NCKAP5: variants seen among roughly 807,000 people sequenced by gnomAD.
NCKAP5 encodes the protein nck-associated protein 5.
NCKAP5 carries 92 observed loss-of-function variants against 167.0 expected under a neutral mutation model. The ratio of observed to expected loss-of-function variants is 0.55; its 90% CI spans 0.47 to 0.66. The LOEUF (loss-of-function observed/expected upper bound fraction) is 0.66, where lower values mean the gene tolerates loss of function less well. NCKAP5 is among the 30% of genes least tolerant of loss of function. The pLI, the probability that NCKAP5 is intolerant of heterozygous loss-of-function variation, is 0.00. For missense variants in NCKAP5, 2,378 were observed against 2,315.0 expected, an observed-to-expected ratio of 1.03 and a Z score of -0.56; for synonymous variants, 891 against 877.4, an observed-to-expected ratio of 1.02 and a Z score of -0.27.
At chr2:133,666,635 T>C in the NCKAP5 span, among the ~76,000 whole-genome samples, 1 of 152,068 alleles carries the variant, frequency 6.6e-6, no homozygotes, top group Non-Finnish European at 1.5e-5. Flanking sequence ...TTGTAATGAA[T>C]AATTTTATAA....
intron 11 of NCKAP5, among the ~76,000 whole-genome samples, chr2:132,801,169 G>T (rs1489183422): frequency 6.6e-6 from 1 of 151,994 alleles, no homozygotes; most frequent in Non-Finnish European, 1.5e-5. Flanking sequence ...GCCACTTGTT[G>T]AAGATGAAGC....
chr2:133,440,098 G>A (rs1345310342), intron 3 of NCKAP5, among the ~76,000 whole-genome samples: 2 of 152,032 alleles, frequency 1.3e-5, no homozygotes, highest in East Asian at 3.9e-4. Flanking sequence ...TGTGTAAATT[G>A]ACTAGCCCTT....
chr2:133,508,789 CAGG>C (rs1683241399), intron 3 of NCKAP5, among the ~76,000 whole-genome samples: 1 of 152,206 alleles, frequency 6.6e-6, no homozygotes, highest in South Asian at 2.1e-4. Flanking sequence ...GGTGAGACAA[CAGG>C]AGAATGACAA....
chr2:133,451,825 A>G (rs1210496422), intron 3 of NCKAP5, among the ~76,000 whole-genome samples: 2 of 152,206 alleles, frequency 1.3e-5, no homozygotes, highest in Non-Finnish European at 2.9e-5. Context: ...TACTTGATGA[A>G]TGCTACTATG....
intron 8 of NCKAP5, among the ~76,000 whole-genome samples, chr2:132,961,778 A>C (rs1336027105): frequency 2.0e-5 from 3 of 152,258 alleles, no homozygotes; most frequent in Admixed American, 2.0e-4. Context: ...ACATGAACTA[A>C]GATTAATTTT....
intron 6 of NCKAP5, among the ~76,000 whole-genome samples, chr2:133,092,891 G>A (rs2081232823): frequency 6.6e-6 from 1 of 152,176 alleles, no homozygotes; most frequent in African/African-American, 2.4e-5. Flanking sequence ...GGGTTCAATT[G>A]TAGAAAAAGA....
chr2:133,061,820 G>C (rs570749999), intron 6 of NCKAP5, among the ~76,000 whole-genome samples: 1 of 145,216 alleles, frequency 6.9e-6, no homozygotes, highest in Admixed American at 6.8e-5. Flanking sequence ...TGGCTATTGG[G>C]CCACTATGGC....
At chr2:132,745,800 T>G (rs1295785008) in intron 16 of NCKAP5, among the ~76,000 whole-genome samples, 1 of 152,008 alleles carries the variant, frequency 6.6e-6, no homozygotes, top group Non-Finnish European at 1.5e-5. Flanking sequence ...TAGTATGTAT[T>G]ATAAATAATT....
chr2:133,586,357 CCCTGTACTTGACGTTGAGATTGACCT>C, the NCKAP5 span, among the ~76,000 whole-genome samples: 2 of 152,224 alleles, frequency 1.3e-5, no homozygotes, highest in African/African-American at 4.8e-5. Flanking sequence ...TCCTGAAGCC[CCCTGTACTTGACGTTGAGATTGACCT>C]CCTTGAACTC....
chr2:133,439,471 G>A (rs1403239617), intron 3 of NCKAP5, among the ~76,000 whole-genome samples: 1 of 152,214 alleles, frequency 6.6e-6, no homozygotes, highest in Non-Finnish European at 1.5e-5. Context: ...AAAGAGCAAA[G>A]CCCTATTTCA....
chr2:133,665,043 G>C, the NCKAP5 span, among the ~76,000 whole-genome samples: 2 of 152,156 alleles, frequency 1.3e-5, no homozygotes, highest in Non-Finnish European at 2.9e-5. Flanking sequence ...TCTAGATTAG[G>C]CTTTGGCTTA....
At position 132,849,568 on chromosome 2, in the gene NCKAP5, C is replaced by T. The variant is rs1298794617; in HGVS notation, c.807+10924G>A. ...ATCATTTGTTGCACCTCCCTGTTCC[C>T]CTGCCACAGAGATGCAGGTCACAAA... On this transcript the variant is annotated intron_variant, in intron 11 of 19. Transcript: ENST00000409261. 2.0e-5 allele frequency among the ~76,000 whole-genome samples: 3 copies of T among 152,146 alleles called. No homozygotes were observed. In the East Asian group the frequency reaches 5.8e-4, roughly 29 times the overall value.
At chr2:133,273,903 ATAAAT>A (rs2089620284) in intron 4 of NCKAP5, among the ~76,000 whole-genome samples, 1 of 150,628 alleles carries the variant, frequency 6.6e-6, no homozygotes, top group African/African-American at 2.4e-5. Context: ...TTAAAAAAAA[ATAAAT>A]TAAAAAACAT....
chr2:132,731,884 C>A lies in NCKAP5; in HGVS notation c.5296G>T (p.Ala1766Ser). 1 of 1,613,868 alleles carries A rather than the reference C, an allele frequency of 6.2e-7. No homozygotes were observed. The highest frequency in any genetic ancestry group is 8.5e-7 in the Non-Finnish European group (1 of 1,179,868). The change falls in exon 17 of 20, where the codon GCC (alanine) becomes TCC (serine). Residue 1766 changes from alanine (A) to serine (S), a missense_variant. Coordinates refer to ENST00000409261, the MANE Select transcript of NCKAP5 (RefSeq NM_207363.3). ...SALSAVSSMRAQTLEREVPSS... is the reference protein window; with the variant it reads ...SALSAVSSMRSQTLEREVPSS... ...GGCACTTCACGTTCAAGGGTTTGGG[C>A]TCTCATGGAAGAAACTGCAGAAAGG...
chr2:133,401,695 T>C (rs1359516761), intron 3 of NCKAP5, among the ~76,000 whole-genome samples: 1 of 152,184 alleles, frequency 6.6e-6, no homozygotes, highest in Non-Finnish European at 1.5e-5. Context: ...CACAGGTTCC[T>C]TAACTTAATT....
chr2:133,570,031 G>C (rs563046146), upstream of NCKAP5, among the ~76,000 whole-genome samples: 2 of 151,200 alleles, frequency 1.3e-5, no homozygotes, highest in African/African-American at 2.4e-5. Context: ...CAATAAAAGG[G>C]AGACTAATAT....
At chr2:133,617,520 G>A in the NCKAP5 span, among the ~76,000 whole-genome samples, 1 of 140,240 alleles carries the variant, frequency 7.1e-6, no homozygotes, top group Non-Finnish European at 1.5e-5. Context: ...CAGACAAACA[G>A]AGAGCCAAAT....
chr2:132,769,728 T>A (rs1198693732), intron 16 of NCKAP5, among the ~76,000 whole-genome samples: 1 of 152,228 alleles, frequency 6.6e-6, no homozygotes, highest in African/African-American at 2.4e-5. Context: ...TTTCCCAGCA[T>A]CCTTTGCAGC....
At chr2:133,119,884 G>T (rs1560890) in intron 6 of NCKAP5, among the ~76,000 whole-genome samples, 90,240 of 151,292 alleles carry the variant, frequency 0.6, 29,926 homozygotes, top group East Asian at 0.93. Flanking sequence ...TCATATAATA[G>T]GCTCTCCCTA....
Sources: gnomAD v4.1 joint callset for allele counts (sites outside exome capture counted in the v4.1 genomes callset) on GRCh38, gnomAD v4.1.1 for gene constraint, MANE v1.5 for transcripts, NCBI Gene and HGNC (gene_info 2026-07-23, HGNC 2026-07-21) for gene names.